OSBPL5: variants seen among roughly 807,000 people sequenced by gnomAD.
OSBPL5 encodes oxysterol binding protein like 5, also known as oxysterol-binding protein-related protein 5.
In OSBPL5, 71 loss-of-function variants were observed where a neutral mutation model predicts 111.2. The ratio of observed to expected loss-of-function variants is 0.64; its 90% CI spans 0.53 to 0.78. The LOEUF (loss-of-function observed/expected upper bound fraction) is 0.78, where lower values mean the gene tolerates loss of function less well. Among genes scored for constraint, OSBPL5 ranks in the 30% least tolerant of loss-of-function variants. The pLI is 0.00. For missense variants in OSBPL5, 1,210 were observed against 1,189.3 expected (o/e 1.02, Z -0.26); for synonymous variants, 549 against 513.9 (o/e 1.07, Z -0.93).
chr11:3,133,984 G>GGT (rs1163861287), intron 1 of OSBPL5, among the ~76,000 whole-genome samples: 1 of 142,278 alleles, frequency 7.0e-6, no homozygotes. Flanking sequence ...GGGCTTGGTG[G>GGT]GGGGGGGGTC....
chr11:3,101,028 A>G (rs1291419372), intron 13 of OSBPL5, among the ~76,000 whole-genome samples: 2 of 144,316 alleles, frequency 1.4e-5, no homozygotes, highest in African/African-American at 5.2e-5. Flanking sequence ...AGGCTGGAGT[A>G]CAGTGGCACC....
At chr11:3,131,381 TCATC>T (rs141516164) in intron 1 of OSBPL5, among the ~76,000 whole-genome samples, 1 of 137,904 alleles carries the variant, frequency 7.3e-6, no homozygotes, top group Non-Finnish European at 1.6e-5. Flanking sequence ...ACCCACCCAT[TCATC>T]CATCCATCCA....
intron 1 of OSBPL5, among the ~76,000 whole-genome samples, chr11:3,131,856 A>C (rs1355941630): frequency 9.6e-5 from 4 of 41,766 alleles, no homozygotes; most frequent in Non-Finnish European, 1.5e-4. Context: ...CACCCACCAA[A>C]CCATCCATCC....
chr11:3,138,506 G>A (rs1399365721), intron 1 of OSBPL5, among the ~76,000 whole-genome samples: 3 of 152,230 alleles, frequency 2.0e-5, no homozygotes, highest in Non-Finnish European at 4.4e-5. Context: ...TGGGATTGTG[G>A]ACGCAATCTC....
chr11:3,151,974 G>A (rs887207277), intron 1 of OSBPL5, among the ~76,000 whole-genome samples: 1 of 152,262 alleles, frequency 6.6e-6, no homozygotes, highest in Admixed American at 6.5e-5. Context: ...AAGTGTGCAC[G>A]TCACCGAGGC....
chr11:3,101,963 C>G (rs1456278370), intron 12 of OSBPL5, among the ~76,000 whole-genome samples: 2 of 152,208 alleles, frequency 1.3e-5, no homozygotes, highest in Non-Finnish European at 2.9e-5. Context: ...TAGGGAGACA[C>G]TGTCTGCTGT....
At chr11:3,088,538 G>A (rs1229775164) in intron 21 of OSBPL5, among the ~76,000 whole-genome samples, 195 bp from the exon 22 acceptor site, 1 of 152,148 alleles carries the variant, frequency 6.6e-6, no homozygotes, top group African/African-American at 2.4e-5. Context: ...CAGCACCATG[G>A]CTATACTGGG....
At chr11:3,116,874 A>C (rs1858231430) in intron 7 of OSBPL5, among the ~76,000 whole-genome samples, 1 of 151,336 alleles carries the variant, frequency 6.6e-6, no homozygotes, top group African/African-American at 2.4e-5. Flanking sequence ...AAAAAAAAAG[A>C]AGTGTGAAGT....
At position 3,113,787 on chromosome 11, in the gene OSBPL5, G is replaced by A. The variant is rs959825984; in HGVS notation, c.691+5760C>T. Among the ~76,000 whole-genome samples the A allele has an allele frequency of 5.3e-5, 8 of 152,180 alleles. No individual in the cohort carries two copies. Among genetic ancestry groups the A allele is most frequent in the African/African-American group, 1.7e-4 (7 of 41,446 alleles). ...AGTAAGGTTCATTTTGAGAAAGACT[G>A]TTATAGTCTTTGTTTCAGGTAAACT... is the stretch of plus-strand genomic sequence containing the variant. On this transcript the variant is annotated intron_variant, in intron 7 of 21. Coordinates refer to ENST00000263650, the MANE Select transcript of OSBPL5 (RefSeq NM_020896.4). The surrounding 1 kb of genome is among the most constrained non-coding windows in gnomAD (Gnocchi z 4.8).
chr11:3,088,177 C>A lies in OSBPL5; in HGVS notation c.*28G>T. On this transcript the variant is annotated 3_prime_UTR_variant, in exon 22 of 22. Coordinates refer to ENST00000263650, the MANE Select transcript of OSBPL5 (RefSeq NM_020896.4). ...GGTGCCTGGGAGGGAGGGCTCAGGA[C>A]CGGCCAGGAGCTCTGCCCTCAGGGC... 1.3e-6 allele frequency: 2 copies of A among 1,533,478 alleles called. No homozygotes were observed. Among genetic ancestry groups the A allele is most frequent in the Non-Finnish European group, 1.8e-6 (2 of 1,136,754 alleles). The allele number at this position is 1,533,478 out of a possible 1,614,324, so 95.0% of individuals were successfully genotyped here.
rs1857102684 is a variant in OSBPL5 at position 3,092,611 on chromosome 11, G to A, written c.2133-53C>T. On this transcript the variant is annotated intron_variant, in intron 18 of 21. Coordinates refer to ENST00000263650, the MANE Select transcript of OSBPL5 (RefSeq NM_020896.4). The surrounding 1 kb of genome is among the most constrained non-coding windows in gnomAD (Gnocchi z 5.4). Reference sequence around the variant, plus strand: ...CACAGGCAGTGGCCCTCAGGTGAGGGGGCTGTCCTGGCCCAGTCTTCAGCC... The same window carrying A: ...CACAGGCAGTGGCCCTCAGGTGAGGAGGCTGTCCTGGCCCAGTCTTCAGCC... 1 of 1,510,524 alleles carries A rather than the reference G, an allele frequency of 6.6e-7. No individual in the cohort carries two copies. The highest frequency in any genetic ancestry group is 1.3e-5 in the South Asian group (1 of 78,496). 93.6% of individuals were successfully genotyped at this position (1,510,524 alleles called of 1,614,324 possible). A position where few individuals can be genotyped will look rare whatever the true frequency, so the allele number is the denominator to read the frequency against.
intron 10 of OSBPL5, among the ~76,000 whole-genome samples, chr11:3,103,706 AC>A (rs1857540986): frequency 1.1e-5 from 1 of 89,694 alleles, no homozygotes; most frequent in South Asian, 4.7e-4. Flanking sequence ...CAGCCTGCGT[AC>A]CCCCTTCCAG....
chr11:3,096,279 G>T (rs565345860), intron 14 of OSBPL5, among the ~76,000 whole-genome samples: 1 of 152,092 alleles, frequency 6.6e-6, no homozygotes, highest in African/African-American at 2.4e-5. Context: ...CTAAGAGTTT[G>T]TTTGTTTGTT....
rs763312403 is a variant in OSBPL5 at position 3,090,542 on chromosome 11, GC to G, written c.2398+15del. On this transcript the variant is annotated intron_variant, in intron 20 of 21. Transcript: ENST00000263650. Reference sequence around the variant, plus strand: ...CACCAGACAGAGGCCTTGGGGCTGGGCCCAAGGGGGCTCACCAGGGACAAAG... The same window carrying G: ...CACCAGACAGAGGCCTTGGGGCTGGGCCAAGGGGGCTCACCAGGGACAAAG... 3 of 1,610,932 alleles carry G rather than the reference GC, an allele frequency of 1.9e-6. No individual in the cohort carries two copies. The highest frequency in any genetic ancestry group is 2.2e-5 in the South Asian group (2 of 90,946).
chr11:3,128,006 C>T (rs535546700), intron 2 of OSBPL5, among the ~76,000 whole-genome samples: 5 of 152,340 alleles, frequency 3.3e-5, no homozygotes, highest in African/African-American at 1.2e-4. Flanking sequence ...TCTGCAAGTG[C>T]TTCTAAGCCT....
At chr11:3,129,988 C>G (rs1253139578) in intron 1 of OSBPL5, among the ~76,000 whole-genome samples, 1 of 152,214 alleles carries the variant, frequency 6.6e-6, no homozygotes, top group Non-Finnish European at 1.5e-5. Flanking sequence ...TTGTTTCCTC[C>G]CCTGGAAGGA....
At chr11:3,155,589 T>C in intron 1 of OSBPL5, among the ~76,000 whole-genome samples, 2 of 129,520 alleles carry the variant, frequency 1.5e-5, no homozygotes, top group Non-Finnish European at 3.2e-5. Context: ...GCTCTGCCAC[T>C]CACTCCCCCC....
At chr11:3,151,075 C>A (rs1846568609) in intron 1 of OSBPL5, among the ~76,000 whole-genome samples, 1 of 152,240 alleles carries the variant, frequency 6.6e-6, no homozygotes, top group South Asian at 2.1e-4. Flanking sequence ...TGTGAAAAGA[C>A]AGGGGAGGAG....
chr11:3,117,957 G>A (rs1564841009), intron 7 of OSBPL5, among the ~76,000 whole-genome samples: 1 of 152,174 alleles, frequency 6.6e-6, no homozygotes, highest in Non-Finnish European at 1.5e-5. Context: ...TCTTTTGTTT[G>A]TTGTTGTTTT....
Sources: gnomAD v4.1 joint callset for allele counts (sites outside exome capture counted in the v4.1 genomes callset) on GRCh38, gnomAD v4.1.1 for gene constraint, Gnocchi (gnomAD v3.1) non-coding constraint, MANE v1.5 for transcripts, NCBI Gene and HGNC (gene_info 2026-07-23, HGNC 2026-07-21) for gene names.